POU2F2: variants seen among roughly 807,000 people sequenced by gnomAD.
POU2F2 encodes the protein POU domain, class 2, transcription factor 2.
POU2F2 carries 14 observed loss-of-function variants against 63.5 expected under a neutral mutation model. That is an observed-to-expected ratio of 0.22 (90% CI 0.15 to 0.34). The LOEUF (loss-of-function observed/expected upper bound fraction) is 0.34. POU2F2 is among the 10% of genes least tolerant of loss of function. The pLI, the probability that POU2F2 is intolerant of heterozygous loss-of-function variation, is 1.00. For synonymous variants in POU2F2, 306 were observed against 348.6 expected, an observed-to-expected ratio of 0.88 and a Z score of 1.36; for missense variants, 607 against 815.2, an observed-to-expected ratio of 0.74 and a Z score of 3.11.
At chr19:42,116,870 A>AGGCGGAGGCGGC in intron 5 of POU2F2, 1 of 440,196 alleles carries the variant, frequency 2.3e-6, no homozygotes, top group Non-Finnish European at 4.5e-6. Flanking sequence ...GTAGAGGAGG[A>AGGCGGAGGCGGC]GGCGGAGGCG....
chr19:42,121,956 C>A (rs915482495), intron 4 of POU2F2, 170 bp downstream of exon 4: 87 of 683,892 alleles, frequency 1.3e-4, no homozygotes, highest in Non-Finnish European at 2.0e-4. Flanking sequence ...AAGGAGCCTG[C>A]GTGAGTCACA....
In POU2F2 at chr19:42,095,809, C is replaced by T; in HGVS notation, c.850G>A (p.Glu284Lys). ...KNMCKLKPLL[E>K]KWLNDAETMS... ...CCACCTGCATCGTTGAGCCACTTCT[C>T]CAGGAGGGGCTTGAGTTTGCACATG... The change falls in exon 9 of 15, where the codon GAG becomes AAG. Residue 284 changes from glutamate to lysine, a missense_variant. Transcript: ENST00000692977. This position sits in a 1 kb window ranked among gnomAD's most constrained non-coding sequence, Gnocchi z 7.1. The T allele has an allele frequency of 1.2e-6, 2 of 1,614,050 alleles. No homozygotes were observed. The highest frequency in any genetic ancestry group is 1.7e-6 in the Non-Finnish European group (2 of 1,179,938).
chr19:42,148,764 C>T (rs1380122955), intron 2 of POU2F2, among the ~76,000 whole-genome samples: 5 of 143,226 alleles, frequency 3.5e-5, no homozygotes, highest in African/African-American at 7.6e-5. Context: ...TACTGTTGCA[C>T]GGGTTCTTCC....
intron 5 of POU2F2, among the ~76,000 whole-genome samples, chr19:42,114,891 G>A (rs141399433): frequency 2.6e-5 from 4 of 152,240 alleles, no homozygotes; most frequent in Non-Finnish European, 2.9e-5. Context: ...CTATAATCCC[G>A]CACTTTGAGA....
Position 42,092,872 on chromosome 19 carries a change from A to G in POU2F2, c.1265-602T>C, listed in dbSNP as rs997687049. On this transcript the variant is annotated intron_variant, in intron 12 of 14. Coordinates refer to ENST00000692977, the MANE Select transcript of POU2F2 (RefSeq NM_001394376.1). The surrounding 1 kb of genome is among the most constrained non-coding windows in gnomAD (Gnocchi z 5.0). ...TTAGTACAGTGCCAGGCAAGCACTT[A>G]CTACTTTATAAATCTCCACTTACTA... Among the ~76,000 whole-genome samples, 4 of 151,248 alleles carry G rather than the reference A, an allele frequency of 2.6e-5. No homozygotes were observed. Among genetic ancestry groups the G allele is most frequent in the African/African-American group, 9.7e-5 (4 of 41,058 alleles).
chr19:42,166,657 T>C (rs1347392291), intron 1 of POU2F2, among the ~76,000 whole-genome samples: 2 of 151,634 alleles, frequency 1.3e-5, no homozygotes, highest in African/African-American at 2.4e-5. Flanking sequence ...GATCTGACAA[T>C]GGGAGTAAGG....
intron 5 of POU2F2, among the ~76,000 whole-genome samples, chr19:42,112,263 T>C (rs370816890): frequency 6.6e-6 from 1 of 152,160 alleles, no homozygotes; most frequent in Admixed American, 6.5e-5. Context: ...CCCATCTCTT[T>C]CAGGGGTTAC....
chr19:42,106,001 TTCTTTCTTTCTTTCTTTCTTTCTTTC>T (rs2029867058), intron 5 of POU2F2, among the ~76,000 whole-genome samples: 2 of 88,214 alleles, frequency 2.3e-5, no homozygotes, highest in African/African-American at 9.4e-5. Context: ...TCTTTCTTTT[TTCTTTCTTTCTTTCTTTCTTTCTTTC>T]TTTCTTTCTT....
upstream of POU2F2, among the ~76,000 whole-genome samples, chr19:42,176,864 G>T (rs1159351900): frequency 6.6e-6 from 1 of 151,362 alleles, no homozygotes; most frequent in Non-Finnish European, 1.5e-5. Context: ...CCCGGCTCCC[G>T]CCCGGCTCCC....
At chr19:42,188,002 C>T (rs1387189674) in intron 1 of POU2F2, among the ~76,000 whole-genome samples, 1 of 151,936 alleles carries the variant, frequency 6.6e-6, no homozygotes, top group Non-Finnish European at 1.5e-5. Context: ...TATTTCATTT[C>T]AAAAGTGACT....
chr19:42,102,770 A>G (rs1410003972), intron 5 of POU2F2, among the ~76,000 whole-genome samples: 2 of 152,196 alleles, frequency 1.3e-5, no homozygotes, highest in African/African-American at 4.8e-5. Flanking sequence ...CAAAATGTTG[A>G]TATCTATTGA....
intron 1 of POU2F2, among the ~76,000 whole-genome samples, chr19:42,194,854 A>G (rs2146831003): frequency 1.8e-5 from 2 of 112,284 alleles, no homozygotes; most frequent in African/African-American, 3.5e-5. Context: ...GAAGGGAGGG[A>G]GGGAAGGTGG....
At chr19:42,176,801 G>A (rs1412280584), upstream of POU2F2, among the ~76,000 whole-genome samples, 7 of 151,828 alleles carry the variant, frequency 4.6e-5, 1 homozygote, top group East Asian at 1.4e-3. Flanking sequence ...GAGAGGGCCG[G>A]GGCCGCGGCG....
At chr19:42,186,847 T>A (rs1234569141) in intron 1 of POU2F2, among the ~76,000 whole-genome samples, 1 of 152,030 alleles carries the variant, frequency 6.6e-6, no homozygotes, top group Non-Finnish European at 1.5e-5. Flanking sequence ...CCCGGATGGA[T>A]GGAGGTGACA....
intron 4 of POU2F2, among the ~76,000 whole-genome samples, chr19:42,121,011 G>A (rs1235543051): frequency 3.3e-5 from 5 of 152,166 alleles, no homozygotes; most frequent in African/African-American, 7.2e-5. Context: ...CGTACAGGGC[G>A]AGTTGTGGAC....
Position 42,095,480 on chromosome 19 carries a change from G to C in POU2F2, c.1021-18C>G, listed in dbSNP as rs896030637. 2.6e-5 allele frequency: 42 copies of C among 1,609,892 alleles called. No homozygotes were observed. The highest frequency in any genetic ancestry group is 3.2e-5 in the Non-Finnish European group (38 of 1,178,772). The stretch of plus-strand genomic sequence containing the variant: ...TTCTGGTTCTGCAGGCAGAGGGCTC[G>C]TTAGCCCGAGGCCCACCGCCCGCCA... On this transcript the variant is annotated intron_variant, in intron 10 of 14. Coordinates refer to ENST00000692977, the MANE Select transcript of POU2F2 (RefSeq NM_001394376.1). This position sits in a 1 kb window ranked among gnomAD's most constrained non-coding sequence, Gnocchi z 7.1.
At chr19:42,157,807 GA>G (rs2034484726) in intron 2 of POU2F2, among the ~76,000 whole-genome samples, 1 of 152,182 alleles carries the variant, frequency 6.6e-6, no homozygotes, top group Admixed American at 6.5e-5. Context: ...AGCCAACCCA[GA>G]GTGGAGAGAA....
intron 1 of POU2F2, among the ~76,000 whole-genome samples, chr19:42,174,270 CTTT>C (rs2034828223): frequency 2.6e-5 from 4 of 152,138 alleles, no homozygotes; most frequent in African/African-American, 9.7e-5. Flanking sequence ...ACATATGTGA[CTTT>C]TTTTGATGTG....
In POU2F2 at chr19:42,117,524, G is replaced by C; in HGVS notation, c.187-92C>G. The C allele has an allele frequency of 9.2e-6, 6 of 651,926 alleles. No individual in the cohort carries two copies. The highest frequency in any genetic ancestry group is 1.6e-5 in the Non-Finnish European group (6 of 375,396). 40.4% of individuals were successfully genotyped at this position (651,926 alleles called of 1,614,324 possible). ...GGGTGTGGACATGAGGGTGCAGTCTGTGGTCCTGCACTGACCGCTGGGAGC... is the reference window on the plus strand; with the variant it reads ...GGGTGTGGACATGAGGGTGCAGTCTCTGGTCCTGCACTGACCGCTGGGAGC... On this transcript the variant is annotated intron_variant, in intron 4 of 14. Coordinates refer to ENST00000692977, the MANE Select transcript of POU2F2 (RefSeq NM_001394376.1). This position sits in a 1 kb window ranked among gnomAD's most constrained non-coding sequence, Gnocchi z 4.4.
Sources: gnomAD v4.1 joint callset for allele counts (sites outside exome capture counted in the v4.1 genomes callset) on GRCh38, gnomAD v4.1.1 for gene constraint, Gnocchi (gnomAD v3.1) non-coding constraint, MANE v1.5 for transcripts, NCBI Gene and HGNC (gene_info 2026-07-23, HGNC 2026-07-21) for gene names.